The following NUDT7 variants were observed in gnomAD, a reference collection of about 807,000 sequenced individuals.
NUDT7 encodes nudix hydrolase 7.
NUDT7 carries 19 observed loss-of-function variants against 13.1 expected under a neutral mutation model. That is an observed-to-expected ratio of 1.45 (90% CI 1.01 to 2.13). The LOEUF (loss-of-function observed/expected upper bound fraction) is 2.13. NUDT7 is among the 30% of genes most tolerant of loss of function. The probability of loss-of-function intolerance (pLI) is 0.00; values close to 1 mark genes in which losing one functional copy is unlikely to be tolerated. For missense variants in NUDT7, 360 were observed against 291.7 expected (o/e 1.23, Z -1.71); for synonymous variants, 132 against 109.7 (o/e 1.20, Z -1.27).
intron 2 of NUDT7, among the ~76,000 whole-genome samples, chr16:77,728,133 G>A (rs371829404): frequency 2.0e-5 from 3 of 152,216 alleles, no homozygotes; most frequent in African/African-American, 4.8e-5. Context: ...CAAGCAGGGC[G>A]CTGGTAGGAG....
rs1229708008 is a variant in NUDT7, at chr16:77,741,781, G to T, written c.548G>T (p.Gly183Val). The change falls in exon 4 of 4, where the codon GGT (glycine) becomes GTT (valine). Residue 183 changes from glycine to valine, a missense_variant. Physicochemically the swap from Gly to Val is moderately radical, Grantham distance 109 (BLOSUM62 -3). Transcript: ENST00000268533. ...HIFEYTNPED[G>V]VTYQIKGMTA... ...TTTGAGTACACAAACCCTGAAGACG[G>T]TGTCACTTACCAGATCAAGGGAATG... 2 of 1,614,110 alleles carry T rather than the reference G, an allele frequency of 1.2e-6. No homozygotes were observed. Among genetic ancestry groups the T allele is most frequent in the East Asian group, 4.5e-5 (2 of 44,874 alleles).
chr16:77,724,989 G>A (rs917608073), intron 1 of NUDT7, among the ~76,000 whole-genome samples: 5 of 152,270 alleles, frequency 3.3e-5, no homozygotes, highest in African/African-American at 1.2e-4. Flanking sequence ...TGATTCTGTT[G>A]CTGCTAAAGC....
In NUDT7 at chr16:77,741,590, A is replaced by G. The variant is rs763343903; in HGVS notation, c.357A>G (p.Thr119=). 6.2e-7 allele frequency: 1 copy of G among 1,605,128 alleles called. No homozygotes were observed. Among genetic ancestry groups the G allele is most frequent in the South Asian group, 1.1e-5 (1 of 90,146 alleles). Residue 119 remains threonine, a synonymous_variant, in exon 4 of 4, where the codon ACA becomes ACG. Transcript: ENST00000268533. ...TTGTTTTCTGCTTTTAGACAGATAC[A>G]TTGATAACTCCATTTGTGGGTTTAA... ...CLVPCLIDTD[T]LITPFVGLID...
At chr16:77,730,404 C>G (rs1041271187) in intron 2 of NUDT7, among the ~76,000 whole-genome samples, 6 of 152,112 alleles carry the variant, frequency 3.9e-5, no homozygotes, top group African/African-American at 4.8e-5. Flanking sequence ...TTTTACCTAA[C>G]ATAATTTCCT....
At chr16:77,731,725 G>C (rs2014324281) in intron 2 of NUDT7, among the ~76,000 whole-genome samples, 1 of 152,118 alleles carries the variant, frequency 6.6e-6, no homozygotes, top group Non-Finnish European at 1.5e-5. Flanking sequence ...TAGGAGATGA[G>C]AGCTCCATGT....
intron 2 of NUDT7, among the ~76,000 whole-genome samples, chr16:77,730,920 T>C (rs1218558343): frequency 2.0e-5 from 3 of 150,320 alleles, no homozygotes; most frequent in Non-Finnish European, 4.4e-5. Flanking sequence ...CCTTTGTCCA[T>C]TTTTAAATTT....
At chr16:77,733,990 G>A (rs1410392269) in intron 2 of NUDT7, among the ~76,000 whole-genome samples, 1 of 152,132 alleles carries the variant, frequency 6.6e-6, no homozygotes, top group Non-Finnish European at 1.5e-5. Flanking sequence ...GATAAGAAAG[G>A]GGGTAATTTT....
intron 3 of NUDT7, among the ~76,000 whole-genome samples, chr16:77,738,074 G>C (rs991349990): frequency 2.0e-5 from 3 of 152,164 alleles, no homozygotes; most frequent in Non-Finnish European, 4.4e-5. Flanking sequence ...GCGAGATGGA[G>C]ACATGGGATT....
intron 1 of NUDT7, among the ~76,000 whole-genome samples, chr16:77,723,716 T>A (rs1333660240): frequency 6.6e-6 from 1 of 151,210 alleles, no homozygotes; most frequent in Admixed American, 6.6e-5. Flanking sequence ...CTCAACCTTC[T>A]GAGTAGCTGG....
chr16:77,733,194 A>G (rs8059966), intron 2 of NUDT7, among the ~76,000 whole-genome samples: 1 of 152,140 alleles, frequency 6.6e-6, no homozygotes, highest in South Asian at 2.1e-4. Context: ...TGGCATTGTC[A>G]TAGTCCTCTC....
At chr16:77,740,910 A>G (rs2014638356) in intron 3 of NUDT7, among the ~76,000 whole-genome samples, 1 of 152,222 alleles carries the variant, frequency 6.6e-6, no homozygotes, top group African/African-American at 2.4e-5. Context: ...TGTAATATAT[A>G]CATGTGTGTT....
chr16:77,727,448 A>G (rs886976412), intron 2 of NUDT7, among the ~76,000 whole-genome samples: 1 of 152,254 alleles, frequency 6.6e-6, no homozygotes, highest in Non-Finnish European at 1.5e-5. Flanking sequence ...AACTCAGGAC[A>G]TGATAGAAAT....
At chr16:77,738,534 C>G (rs1221280584) in intron 3 of NUDT7, among the ~76,000 whole-genome samples, 1 of 152,090 alleles carries the variant, frequency 6.6e-6, no homozygotes, top group African/African-American at 2.4e-5. Context: ...TGGCTCTTAA[C>G]CTGGAGTGAT....
chr16:77,730,908 T>C (rs2014298328), intron 2 of NUDT7, among the ~76,000 whole-genome samples: 1 of 151,888 alleles, frequency 6.6e-6, no homozygotes, highest in Non-Finnish European at 1.5e-5. Context: ...GTCTATTTAG[T>C]TCCTTTGTCC....
At chr16:77,727,397 G>C (rs2014170761) in intron 2 of NUDT7, among the ~76,000 whole-genome samples, 3 of 135,202 alleles carry the variant, frequency 2.2e-5, no homozygotes, top group Non-Finnish European at 4.6e-5. Flanking sequence ...AAGTAGACTT[G>C]TGTGGATTGT....
intron 1 of NUDT7, among the ~76,000 whole-genome samples, chr16:77,724,742 C>A (rs955448478): frequency 6.6e-6 from 1 of 152,214 alleles, no homozygotes; most frequent in African/African-American, 2.4e-5. Flanking sequence ...GTAGAACACA[C>A]CTGTCAAAAG....
At chr16:77,732,886 G>T (rs1461135316) in intron 2 of NUDT7, among the ~76,000 whole-genome samples, 1 of 152,194 alleles carries the variant, frequency 6.6e-6, no homozygotes, top group Non-Finnish European at 1.5e-5. Flanking sequence ...CCTTGGAGTT[G>T]AACGTTCTAA....
At chr16:77,740,118 A>G (rs948623288) in intron 3 of NUDT7, among the ~76,000 whole-genome samples, 1 of 152,146 alleles carries the variant, frequency 6.6e-6, no homozygotes, top group Non-Finnish European at 1.5e-5. Context: ...ACGTGCTGGT[A>G]GAATGTTGCC....
chr16:77,728,958 C>G (rs572679063), intron 2 of NUDT7, among the ~76,000 whole-genome samples: 1 of 152,304 alleles, frequency 6.6e-6, no homozygotes, highest in African/African-American at 2.4e-5. Context: ...CCTCCACCCT[C>G]CTCCCTGCAC....
Sources: allele counts gnomAD v4.1 joint callset (sites outside exome capture counted in the v4.1 genomes callset), GRCh38; gene constraint gnomAD v4.1.1; transcripts MANE v1.5; gene names NCBI Gene and HGNC (gene_info 2026-07-23, HGNC 2026-07-21).